Variants in USP34 observed in about 807,000 individuals in gnomAD.
USP34 encodes the protein ubiquitin carboxyl-terminal hydrolase 34.
In USP34, 70 loss-of-function variants were observed where a neutral mutation model predicts 460.3. The ratio of observed to expected loss-of-function variants is 0.15; its 90% CI spans 0.13 to 0.19. The LOEUF (loss-of-function observed/expected upper bound fraction) is 0.19. Ranked by LOEUF, USP34 falls within the 10% of genes least tolerant of loss-of-function variation. The probability of loss-of-function intolerance (pLI) is 1.00; values close to 1 mark genes in which losing one functional copy is unlikely to be tolerated. For missense variants in USP34, 3,985 were observed against 4,236.2 expected (o/e 0.94, Z 1.65); for synonymous variants, 1,647 against 1,405.3 (o/e 1.17, Z -3.85).
rs574229024 is a variant in USP34, at chr2:61,201,792, T to C, written c.9508+1348A>G. ...CTAGAATAGTTCCTCACGTAACTTTTAGTATAAATTATATGAACACAATTA... is the reference window on the plus strand; with the variant it reads ...CTAGAATAGTTCCTCACGTAACTTTCAGTATAAATTATATGAACACAATTA... On this transcript the variant is annotated intron_variant, in intron 75 of 79. Transcript: ENST00000398571. 1.2e-3 allele frequency among the ~76,000 whole-genome samples: 183 copies of C among 152,362 alleles called. 2 individuals are homozygous for C. The South Asian group carries it at 0.037, about 31-fold the overall frequency.
At chr2:61,231,980 A>T (rs1687919144) in intron 58 of USP34, among the ~76,000 whole-genome samples, 1 of 151,872 alleles carries the variant, frequency 6.6e-6, no homozygotes, top group South Asian at 2.1e-4. Context: ...GTGACTATAA[A>T]GTAATATTTA....
chr2:61,316,459 C>T (rs1233037625), intron 23 of USP34, among the ~76,000 whole-genome samples: 1 of 151,854 alleles, frequency 6.6e-6, no homozygotes, highest in Non-Finnish European at 1.5e-5. Flanking sequence ...GTGGTGCATG[C>T]CTGTTGTCCC....
In USP34 at chr2:61,188,977, T is replaced by C. The variant is rs747798160; in HGVS notation, c.9966A>G (p.Lys3322=). The C allele has an allele frequency of 6.2e-7, 1 of 1,614,196 alleles. No homozygotes were observed. The highest frequency in any genetic ancestry group is 1.7e-5 in the Admixed American group (1 of 60,026). Residue 3322 remains lysine, a synonymous_variant, in exon 79 of 80, where the codon AAA becomes AAG. Transcript: ENST00000398571. ...LIPTLQELLS[K]CRTCLQQRNS... ...TTCTCTGTTGCAGACAAGTCCTGCA[T>C]TTGCTTAAAAGCTCTTGCAGAGTTG...
At chr2:61,421,802 C>A (rs1024140498) in intron 1 of USP34, among the ~76,000 whole-genome samples, 20 of 152,002 alleles carry the variant, frequency 1.3e-4, no homozygotes, top group Non-Finnish European at 1.6e-4. Flanking sequence ...CACACACGCG[C>A]GCGCGCGCAC....
At chr2:61,376,336 T>C (rs927927564) in intron 8 of USP34, among the ~76,000 whole-genome samples, 1 of 152,238 alleles carries the variant, frequency 6.6e-6, no homozygotes, top group Non-Finnish European at 1.5e-5. Context: ...TCTTGAACTC[T>C]TTACCACCAG....
chr2:61,189,238 T>C, intron 78 of USP34, 169 bp from the exon 79 acceptor site: 1 of 643,286 alleles, frequency 1.6e-6, no homozygotes, highest in Non-Finnish European at 2.5e-6. Flanking sequence ...AGTGTTAAGA[T>C]ACTACAGCAT....
chr2:61,338,152 T>C (rs572666773), intron 18 of USP34, among the ~76,000 whole-genome samples: 3 of 152,202 alleles, frequency 2.0e-5, no homozygotes, highest in Middle Eastern at 3.4e-3. Flanking sequence ...TGAAACTCCA[T>C]CTCTATGAAA....
At chr2:61,448,659 T>C (rs1052674788) in intron 1 of USP34, among the ~76,000 whole-genome samples, 6 of 152,038 alleles carry the variant, frequency 3.9e-5, no homozygotes, top group African/African-American at 1.4e-4. Flanking sequence ...ATGACATACA[T>C]AAAAAAGTCC....
At position 61,343,871 on chromosome 2, in the gene USP34, T is replaced by C. The variant is rs1345998096; in HGVS notation, c.2444A>G (p.His815Arg). 6 of 1,613,894 alleles carry C rather than the reference T, an allele frequency of 3.7e-6. No individual in the cohort carries two copies. Among genetic ancestry groups the C allele is most frequent in the African/African-American group, 1.3e-5 (1 of 74,926 alleles). ...QINSHAELTS[H>R]LQQHLPNLAS... Reference sequence around the variant, plus strand: ...TAAATTGGGAAGATGTTGTTGGAGGTGAGATGTCAGTTCCGCATGTGAATT... The same window carrying C: ...TAAATTGGGAAGATGTTGTTGGAGGCGAGATGTCAGTTCCGCATGTGAATT... The change falls in exon 16 of 80, where the codon CAC (histidine) becomes CGC (arginine). Residue 815 changes from histidine to arginine, a missense_variant. Around this residue, in one of 14 missense-constraint regions of USP34, gnomAD observed 716 missense variants for 626.2 expected, o/e 1.14. Transcript: ENST00000398571.
At chr2:61,209,773 G>A (rs1687220601) in intron 69 of USP34, among the ~76,000 whole-genome samples, 1 of 152,156 alleles carries the variant, frequency 6.6e-6, no homozygotes, top group Non-Finnish European at 1.5e-5. Context: ...TCCAGAAGAA[G>A]GCATCATTGT....
chr2:61,370,368 C>T lies in USP34; in HGVS notation c.1204G>A (p.Gly402Arg). The T allele has an allele frequency of 6.2e-7, 1 of 1,614,064 alleles. No homozygotes were observed. Among genetic ancestry groups the T allele is most frequent in the East Asian group, 2.2e-5 (1 of 44,860 alleles). Residue 402 changes from glycine (G) to arginine (R), a missense_variant, in exon 10 of 80, where the codon GGG (glycine) becomes AGG (arginine). This residue lies in a region of USP34 where 716 missense variants were observed against 626.2 expected (regional missense o/e 1.14). Transcript: ENST00000398571. ...QVILNFLAAE[G>R]RLSTQHIDCI... is the part of the protein sequence containing the mutation. ...TCAATATGTTGAGTACTCAGTCGCC[C>T]TTCTGCTGCCAAAAAATTCAAAATC... is the stretch of plus-strand genomic sequence containing the variant.
chr2:61,265,955 A>G (rs1043275748), intron 42 of USP34, 29 bp downstream of exon 42: 20 of 1,509,476 alleles, frequency 1.3e-5, no homozygotes, highest in Middle Eastern at 1.8e-4. Context: ...CAAAATCTAT[A>G]AAGATTAAAG....
At chr2:61,283,087 G>A in intron 37 of USP34, 58 bp downstream of exon 37, 1 of 1,561,136 alleles carries the variant, frequency 6.4e-7, no homozygotes, top group Non-Finnish European at 8.8e-7. Context: ...TATTATCAAT[G>A]CTAATAACAT....
intron 5 of USP34, among the ~76,000 whole-genome samples, chr2:61,393,425 C>T (rs574124717): frequency 6.1e-5 from 7 of 114,940 alleles, no homozygotes; most frequent in South Asian, 4.1e-4. Context: ...AGCCAGACTC[C>T]GTCTAAAAAA....
intron 10 of USP34, among the ~76,000 whole-genome samples, chr2:61,356,076 A>AAG (rs1212634671): frequency 6.6e-6 from 1 of 152,184 alleles, no homozygotes; most frequent in Non-Finnish European, 1.5e-5. Context: ...AATTCAAAGC[A>AAG]AGATCTCAAA....
intron 2 of USP34, among the ~76,000 whole-genome samples, chr2:61,410,363 T>A (rs911775069): frequency 1.3e-5 from 2 of 152,170 alleles, no homozygotes; most frequent in African/African-American, 4.8e-5. Context: ...CCTGTGAGAA[T>A]CTGATGCTGC....
At chr2:61,349,193 G>A (rs931828399) in intron 13 of USP34, 57 bp downstream of exon 13, 2 of 1,564,478 alleles carry the variant, frequency 1.3e-6, no homozygotes, top group African/African-American at 2.8e-5. Context: ...ATGAACTCTA[G>A]AAAACCACTA....
chr2:61,283,592 AGAGT>A (rs770670660), intron 35 of USP34, 143 bp from the exon 36 acceptor site: 82 of 730,162 alleles, frequency 1.1e-4, no homozygotes, highest in Admixed American at 5.3e-4. Context: ...AGTGAGAGTG[AGAGT>A]GAGAGAGAGT....
intron 69 of USP34, among the ~76,000 whole-genome samples, chr2:61,209,837 G>A (rs1391301465): frequency 6.6e-6 from 1 of 152,106 alleles, no homozygotes; most frequent in Non-Finnish European, 1.5e-5. Flanking sequence ...CTCCCAAGTG[G>A]GACAAGATGT....
Sources: gnomAD v4.1 joint callset for allele counts (sites outside exome capture counted in the v4.1 genomes callset) on GRCh38, gnomAD v4.1.1 for gene constraint, gnomAD v4.1.1 regional missense constraint, MANE v1.5 for transcripts, NCBI Gene and HGNC (gene_info 2026-07-23, HGNC 2026-07-21) for gene names.